The following TIAM1 variants were observed in gnomAD, a reference collection of about 807,000 sequenced individuals.
TIAM1 encodes the protein TIAM Rac1 associated GEF 1, also known as rho guanine nucleotide exchange factor TIAM1.
A neutral mutation model predicts 163.5 loss-of-function variants in TIAM1; 65 were observed. The ratio of observed to expected loss-of-function variants is 0.40; its 90% CI spans 0.33 to 0.49. TIAM1 has a LOEUF of 0.49. Among genes scored for constraint, TIAM1 ranks in the 20% least tolerant of loss-of-function variants. TIAM1 has a pLI of 0.77. For synonymous variants in TIAM1, 833 were observed against 810.1 expected (o/e 1.03, Z -0.48); for missense variants, 1,789 against 2,044.7 (o/e 0.87, Z 2.41).
intron 2 of TIAM1, among the ~76,000 whole-genome samples, chr21:31,303,265 T>C (rs2074569926): frequency 6.6e-6 from 1 of 152,198 alleles, no homozygotes; most frequent in Non-Finnish European, 1.5e-5. Context: ...AATTATTCAG[T>C]TTCACAACTA....
intron 2 of TIAM1, among the ~76,000 whole-genome samples, chr21:31,441,252 A>T (rs1211553243): frequency 6.6e-6 from 1 of 152,200 alleles, no homozygotes; most frequent in African/African-American, 2.4e-5. Context: ...GGAACTTAGC[A>T]AATATTATAA....
intron 26 of TIAM1, 61 bp from the exon 27 acceptor site, chr21:31,124,755 A>G: frequency 1.4e-6 from 2 of 1,394,834 alleles, no homozygotes; most frequent in East Asian, 4.9e-5. Flanking sequence ...GGAACTTCTA[A>G]GGTTATCAGG....
intron 2 of TIAM1, among the ~76,000 whole-genome samples, chr21:31,358,239 T>C (rs2076347920): frequency 6.6e-6 from 1 of 152,180 alleles, no homozygotes; most frequent in Admixed American, 6.5e-5. Context: ...ATGGGCAGTA[T>C]TAATTCCAGA....
At chr21:31,334,819 C>A (rs975920660) in intron 2 of TIAM1, among the ~76,000 whole-genome samples, 2 of 152,150 alleles carry the variant, frequency 1.3e-5, no homozygotes, top group Non-Finnish European at 2.9e-5. Flanking sequence ...ACCGCCCCAG[C>A]CTGCACATGT....
At chr21:31,525,910 T>C (rs976085593) in intron 1 of TIAM1, among the ~76,000 whole-genome samples, 1 of 151,482 alleles carries the variant, frequency 6.6e-6, no homozygotes, top group Non-Finnish European at 1.5e-5. Flanking sequence ...GGCGGGCGCC[T>C]GTAGTCCCAG....
intron 3 of TIAM1, among the ~76,000 whole-genome samples, chr21:31,267,653 C>T (rs1430744701): frequency 6.6e-6 from 1 of 150,766 alleles, no homozygotes; most frequent in African/African-American, 2.4e-5. Context: ...AAAGCTTTGA[C>T]CTTTAATGTC....
At chr21:31,365,831 G>A (rs926959293) in intron 2 of TIAM1, among the ~76,000 whole-genome samples, 2 of 151,942 alleles carry the variant, frequency 1.3e-5, no homozygotes, top group Non-Finnish European at 2.9e-5. Flanking sequence ...GGCCGGGCAC[G>A]GAGGCTTATG....
chr21:31,286,621 G>A (rs1480762454), intron 2 of TIAM1, among the ~76,000 whole-genome samples: 1 of 152,154 alleles, frequency 6.6e-6, no homozygotes, highest in Non-Finnish European at 1.5e-5. Context: ...GCTTGCCCGG[G>A]AGGATCACTT....
intron 1 of TIAM1, among the ~76,000 whole-genome samples, chr21:31,521,225 CA>C (rs1414485139): frequency 1.1e-4 from 17 of 152,104 alleles, no homozygotes; most frequent in African/African-American, 4.1e-4. Context: ...ATTTTATGGC[CA>C]GATAACTGGA....
At chr21:31,167,365 G>A (rs1440186271) in intron 15 of TIAM1, among the ~76,000 whole-genome samples, 1 of 152,192 alleles carries the variant, frequency 6.6e-6, no homozygotes, top group Non-Finnish European at 1.5e-5. Context: ...TTACAGGCAT[G>A]AGCCACAGTG....
chr21:31,144,414 C>T (rs1364308231), intron 20 of TIAM1, among the ~76,000 whole-genome samples: 2 of 152,228 alleles, frequency 1.3e-5, no homozygotes, highest in Non-Finnish European at 2.9e-5. Flanking sequence ...CAGTTCACAG[C>T]GCTTGGCGCA....
chr21:31,464,552 A>G (rs2045451847), intron 1 of TIAM1, among the ~76,000 whole-genome samples: 1 of 152,076 alleles, frequency 6.6e-6, no homozygotes, highest in South Asian at 2.1e-4. Flanking sequence ...TACAAAAAAT[A>G]AAAATACAGG....
intron 8 of TIAM1, among the ~76,000 whole-genome samples, chr21:31,223,098 C>T (rs1464983771): frequency 6.6e-6 from 1 of 152,006 alleles, no homozygotes; most frequent in Admixed American, 6.6e-5. Flanking sequence ...TATTTGGGTT[C>T]CAAACATGAC....
At chr21:31,323,826 G>A (rs1322126718) in intron 2 of TIAM1, among the ~76,000 whole-genome samples, 1 of 151,896 alleles carries the variant, frequency 6.6e-6, no homozygotes, top group Non-Finnish European at 1.5e-5. Context: ...GTGGGACTCT[G>A]TCTCCAAAAA....
At chr21:31,156,159 G>A (rs1037765844) in intron 16 of TIAM1, among the ~76,000 whole-genome samples, 2 of 152,202 alleles carry the variant, frequency 1.3e-5, no homozygotes, top group African/African-American at 2.4e-5. Context: ...CAAGGACAGG[G>A]AAAATCAGAA....
At chr21:31,320,138 TATC>T (rs1378875041) in intron 2 of TIAM1, among the ~76,000 whole-genome samples, 1 of 152,158 alleles carries the variant, frequency 6.6e-6, no homozygotes, top group African/African-American at 2.4e-5. Context: ...TACATATATA[TATC>T]ATCAACCCAA....
At chr21:31,384,401 CAAAAAAAA>C (rs5843516) in intron 2 of TIAM1, among the ~76,000 whole-genome samples, 1 of 107,868 alleles carries the variant, frequency 9.3e-6, no homozygotes, top group Middle Eastern at 4.3e-3. Flanking sequence ...CCCATCTCTA[CAAAAAAAA>C]AAAAAAAAAA....
At chr21:31,489,680 A>T (rs1212509678) in intron 1 of TIAM1, among the ~76,000 whole-genome samples, 1 of 8,968 alleles carries the variant, frequency 1.1e-4, no homozygotes, top group Non-Finnish European at 2.1e-4. Context: ...CGCTCACAGC[A>T]CACCTGTAAG....
chr21:31,521,240 G>T (rs912039166), intron 1 of TIAM1, among the ~76,000 whole-genome samples: 2 of 152,186 alleles, frequency 1.3e-5, no homozygotes, highest in African/African-American at 4.8e-5. Context: ...AACTGGAAAT[G>T]ACCGGAGAGC....
Sources: allele counts gnomAD v4.1 joint callset (sites outside exome capture counted in the v4.1 genomes callset), GRCh38; gene constraint gnomAD v4.1.1; transcripts MANE v1.5; gene names NCBI Gene and HGNC (gene_info 2026-07-23, HGNC 2026-07-21).